Variants in MAPK3 observed in about 807,000 individuals in gnomAD.
MAPK3 encodes mitogen-activated protein kinase 3.
In MAPK3, 30 loss-of-function variants were observed where a neutral mutation model predicts 41.8. That is an observed-to-expected ratio of 0.72 (90% CI 0.54 to 0.97). The LOEUF (loss-of-function observed/expected upper bound fraction) is 0.97, where lower values mean the gene tolerates loss of function less well. Ranked by LOEUF, MAPK3 falls within the 50% of genes least tolerant of loss-of-function variation. MAPK3 has a pLI of 0.00. For synonymous variants in MAPK3, 222 were observed against 213.4 expected, an observed-to-expected ratio of 1.04 and a Z score of -0.35; for missense variants, 413 against 509.9, an observed-to-expected ratio of 0.81 and a Z score of 1.83.
At chr16:30,117,577 C>A in intron 5 of MAPK3, 93 bp downstream of exon 5, 1 of 960,392 alleles carries the variant, frequency 1.0e-6, no homozygotes, top group South Asian at 1.3e-5. Flanking sequence ...TGGAGGCACC[C>A]CACACGTGGT....
Position 30,123,075 on chromosome 16 carries a change from C to T in MAPK3, c.135G>A (p.Leu45=). 1 of 1,574,236 alleles carries T rather than the reference C, an allele frequency of 6.4e-7. No individual in the cohort carries two copies. The highest frequency in any genetic ancestry group is 8.6e-7 in the Non-Finnish European group (1 of 1,161,092). Residue 45 remains leucine (L), a synonymous_variant, in exon 1 of 9, where the codon TTG becomes TTA. Transcript: ENST00000263025. ...CGTACGCGCCCTCGCCGATGTACTG[C>T]AACTGCGTGTAGCGCGGGCCCACGT... ...PFDVGPRYTQ[L]QYIGEGAYGM...
At chr16:30,122,278 T>C (rs1442702925) in intron 1 of MAPK3, 2 of 522,098 alleles carry the variant, frequency 3.8e-6, no homozygotes, top group South Asian at 2.0e-5. Flanking sequence ...TCCATTCTAC[T>C]GGCCCTGAAC....
At chr16:30,114,912 G>A (rs1596876532) in intron 8 of MAPK3, among the ~76,000 whole-genome samples, 1 of 152,246 alleles carries the variant, frequency 6.6e-6, no homozygotes, top group East Asian at 1.9e-4. Flanking sequence ...AAACCTCTTA[G>A]AACAATGCTT....
chr16:30,121,773 C>G, intron 2 of MAPK3, 51 bp downstream of exon 2: 1 of 1,567,882 alleles, frequency 6.4e-7, no homozygotes, highest in Non-Finnish European at 8.7e-7. Flanking sequence ...GGGTCCCCAG[C>G]CCAGCTGCGA....
At chr16:30,119,632 TA>T in intron 2 of MAPK3, among the ~76,000 whole-genome samples, 1 of 152,242 alleles carries the variant, frequency 6.6e-6, no homozygotes. Flanking sequence ...TGGCATGCAA[TA>T]AATGTTTGCT....
At chr16:30,119,954 A>C (rs1034901283) in intron 2 of MAPK3, among the ~76,000 whole-genome samples, 1 of 152,156 alleles carries the variant, frequency 6.6e-6, no homozygotes, top group African/African-American at 2.4e-5. Flanking sequence ...TGATGACCTG[A>C]GGTCAGGAGT....
chr16:30,117,020 G>A lies in MAPK3; in HGVS notation c.908-17C>T, dbSNP rs1233866820. 1.3e-6 allele frequency: 2 copies of A among 1,595,002 alleles called. No homozygotes were observed. The highest frequency in any genetic ancestry group is 1.7e-6 in the Non-Finnish European group (2 of 1,168,092). On this transcript the variant is annotated splice_polypyrimidine_tract_variant and intron_variant, in intron 6 of 8. Transcript: ENST00000263025. ...GGTCAAGGGCTATGGAAGGGCAGGA[G>A]TCAGGGGTCACAGGGAAGACTGGAG...
intron 8 of MAPK3, chr16:30,115,837 C>T (rs1430580349): frequency 1.3e-5 from 2 of 150,640 alleles, no homozygotes; most frequent in African/African-American, 4.9e-5. Flanking sequence ...CTCACTGCAA[C>T]CTCTGCCTCC....
chr16:30,122,903 T>C, intron 1 of MAPK3, 137 bp downstream of exon 1: 3 of 729,940 alleles, frequency 4.1e-6, no homozygotes, highest in South Asian at 3.4e-5. Context: ...CCTGGGACGC[T>C]CCCGATCATC....
Position 30,116,635 on chromosome 16 carries a change from C to T in MAPK3, c.*32+1G>A, listed in dbSNP as rs1288028619. Reference sequence around the variant, plus strand: ...CATGTGTGGGCCATGGAGACACTCACCAGGCCCCAGGGTGCAGAGATGTCT... The same window carrying T: ...CATGTGTGGGCCATGGAGACACTCATCAGGCCCCAGGGTGCAGAGATGTCT... On this transcript the variant is annotated splice_donor_variant, in intron 8 of 8. Coordinates refer to ENST00000263025, the MANE Select transcript of MAPK3 (RefSeq NM_002746.3). LOFTEE classifies it low-confidence loss of function (3UTR_SPLICE). The T allele has an allele frequency of 6.2e-7, 1 of 1,610,632 alleles. No individual in the cohort carries two copies. The highest frequency in any genetic ancestry group is 2.2e-5 in the East Asian group (1 of 44,862).
chr16:30,117,654 G>A lies in MAPK3; in HGVS notation c.775+16C>T, dbSNP rs988677261. 6.2e-7 allele frequency: 1 copy of A among 1,602,922 alleles called. No homozygotes were observed. Among genetic ancestry groups the A allele is most frequent in the Non-Finnish European group, 8.5e-7 (1 of 1,169,938 alleles). ...AAGCTAATCATCCCCAACTCAGCCA[G>A]CCGGGCCTCCCTCACCCAGAATGTG... is the stretch of plus-strand genomic sequence containing the variant. On this transcript the variant is annotated intron_variant, in intron 5 of 8. Coordinates refer to ENST00000263025, the MANE Select transcript of MAPK3 (RefSeq NM_002746.3).
intron 4 of MAPK3, 80 bp downstream of exon 4, chr16:30,117,967 G>T: frequency 7.6e-7 from 1 of 1,312,526 alleles, no homozygotes; most frequent in Non-Finnish European, 1.1e-6. Flanking sequence ...TGTCATGGGG[G>T]TCAGTGTCTG....
Position 30,116,891 on chromosome 16 carries a change from C to CA in MAPK3, c.1017+2dup. The stretch of plus-strand genomic sequence containing the variant: ...GCCCCACTGCTGCTGGGGACTGGCC[C>CA]ACCTCATCCGTCGGGTCATAGTACT... On this transcript the variant is annotated splice_region_variant and intron_variant, in intron 7 of 8. Transcript: ENST00000263025. 1 of 1,613,888 alleles carries CA rather than the reference C, an allele frequency of 6.2e-7. No individual in the cohort carries two copies.
chr16:30,122,178 A>G (rs2073023507), intron 1 of MAPK3, 172 bp from the exon 2 acceptor site: 1 of 655,392 alleles, frequency 1.5e-6, no homozygotes, highest in South Asian at 1.9e-5. Context: ...CCAGAGAGAA[A>G]GCTGGGGACC....
intron 4 of MAPK3, 72 bp from the exon 5 acceptor site, chr16:30,117,856 C>T (rs2072973991): frequency 3.1e-6 from 4 of 1,276,472 alleles, no homozygotes; most frequent in South Asian, 1.2e-5. Flanking sequence ...GCCAGGCCAC[C>T]ACCTCCAAGT....
intron 6 of MAPK3, 65 bp from the exon 7 acceptor site, chr16:30,117,068 G>T (rs1292386482): frequency 6.3e-7 from 1 of 1,597,666 alleles, no homozygotes; most frequent in Non-Finnish European, 8.6e-7. Flanking sequence ...GCATTGCTTT[G>T]CCTGTCTCCT....
chr16:30,117,956 GTGT>G lies in MAPK3; in HGVS notation c.660+88_660+90del, dbSNP rs2072975064. ...CCAAGGCCCAGAGGGTAGAATTCCTGTGTCATGGGGGTCAGTGTCTGGCTCAGA... is the reference window on the plus strand; with the variant it reads ...CCAAGGCCCAGAGGGTAGAATTCCTGCATGGGGGTCAGTGTCTGGCTCAGA... On this transcript the variant is annotated intron_variant, in intron 4 of 8. Coordinates refer to ENST00000263025, the MANE Select transcript of MAPK3 (RefSeq NM_002746.3). The G allele has an allele frequency of 2.4e-6, 3 of 1,254,680 alleles. No individual in the cohort carries two copies. In the Admixed American group the frequency reaches 5.4e-5, roughly 23 times the overall value. The allele number at this position is 1,254,680 out of a possible 1,614,324, so 77.7% of individuals were successfully genotyped here. A position where few individuals can be genotyped will look rare whatever the true frequency, so the allele number is the denominator to read the frequency against.
At chr16:30,117,919 T>TC (rs1278680438) in intron 4 of MAPK3, 128 bp downstream of exon 4, 1 of 1,096,996 alleles carries the variant, frequency 9.1e-7, no homozygotes, top group African/African-American at 1.5e-5. Context: ...ATGCTCAGCT[T>TC]CCTTGCAGAG....
At chr16:30,123,003 C>A in intron 1 of MAPK3, 37 bp downstream of exon 1, 2 of 1,442,312 alleles carry the variant, frequency 1.4e-6, no homozygotes, top group Non-Finnish European at 1.8e-6. Context: ...AAGCCCCCTC[C>A]CCTGAGGGCA....
Sources: gnomAD v4.1 joint callset for allele counts (sites outside exome capture counted in the v4.1 genomes callset) on GRCh38, gnomAD v4.1.1 for gene constraint, MANE v1.5 for transcripts, NCBI Gene and HGNC (gene_info 2026-07-23, HGNC 2026-07-21) for gene names.